Variants in CHKA observed in about 807,000 individuals in gnomAD.
CHKA encodes the protein CHETK-alpha.
In CHKA, 34 loss-of-function variants were observed where a neutral mutation model predicts 60.1. The ratio of observed to expected loss-of-function variants is 0.57; its 90% confidence interval spans 0.43 to 0.75. The LOEUF is 0.75. Among genes scored for constraint, CHKA ranks in the 30% least tolerant of loss-of-function variants. The pLI is 0.00. For missense variants in CHKA, 563 were observed against 561.3 expected (o/e 1.00, Z -0.03); for synonymous variants, 217 against 223.1 (o/e 0.97, Z 0.24).
intron 1 of CHKA, among the ~76,000 whole-genome samples, chr11:68,111,098 C>A (rs1273677501): frequency 6.6e-6 from 1 of 151,732 alleles, no homozygotes; most frequent in Non-Finnish European, 1.5e-5. Context: ...CAATACTCAA[C>A]CTCAAGAATC....
intron 2 of CHKA, among the ~76,000 whole-genome samples, chr11:68,093,891 C>T (rs558639775): frequency 1.6e-3 from 244 of 152,298 alleles, no homozygotes; most frequent in African/African-American, 5.4e-3. Context: ...TCAACAGCCA[C>T]ACTTGCCACA....
At chr11:68,087,263 T>C (rs1857210346) in intron 2 of CHKA, among the ~76,000 whole-genome samples, 1 of 152,166 alleles carries the variant, frequency 6.6e-6, no homozygotes, top group Non-Finnish European at 1.5e-5. Context: ...GCGGATCATT[T>C]GAGGTCAGGA....
chr11:68,068,028 T>C (rs1856497708), intron 7 of CHKA, among the ~76,000 whole-genome samples: 1 of 152,152 alleles, frequency 6.6e-6, no homozygotes, highest in Non-Finnish European at 1.5e-5. Flanking sequence ...GGGAGCTGCA[T>C]AGTGGGGGGC....
intron 11 of CHKA, among the ~76,000 whole-genome samples, chr11:68,054,248 CCA>C (rs1855916795): frequency 6.6e-6 from 1 of 152,196 alleles, no homozygotes; most frequent in African/African-American, 2.4e-5. Flanking sequence ...CCAGCCCACC[CCA>C]CACACCTTCA....
chr11:68,076,966 G>A (rs897515393), intron 3 of CHKA, among the ~76,000 whole-genome samples: 1 of 152,162 alleles, frequency 6.6e-6, no homozygotes, highest in East Asian at 1.9e-4. Flanking sequence ...GGCCGGGTGC[G>A]GTGGCTCACG....
At chr11:68,109,182 C>G (rs555988238) in intron 1 of CHKA, among the ~76,000 whole-genome samples, 1 of 150,848 alleles carries the variant, frequency 6.6e-6, no homozygotes, top group Non-Finnish European at 1.5e-5. Context: ...CTCCACCTCC[C>G]GGGTTCACAC....
intron 1 of CHKA, among the ~76,000 whole-genome samples, chr11:68,102,916 C>A (rs1389432063): frequency 6.6e-6 from 1 of 151,992 alleles, no homozygotes. Flanking sequence ...TCACTAGAGC[C>A]CAGGAAGTCA....
At chr11:68,061,089 G>C (rs1012181515) in intron 11 of CHKA, among the ~76,000 whole-genome samples, 1 of 140,700 alleles carries the variant, frequency 7.1e-6, no homozygotes, top group African/African-American at 2.7e-5. Context: ...TTCTATGTCA[G>C]TGACAGTTTT....
Position 68,082,337 on chromosome 11 carries a change from G to A in CHKA, c.463-880C>T, listed in dbSNP as rs751352255. 7.1e-4 allele frequency among the ~76,000 whole-genome samples: 108 copies of A among 152,106 alleles called. 2 individuals are homozygous for A. Among genetic ancestry groups the A allele is most frequent in the South Asian group, 2.1e-4 (1 of 4,822 alleles). The stretch of plus-strand genomic sequence containing the variant: ...AAGTAAAGTCAGAAACTTGTGTCAC[G>A]TCAAACTTTTATACTCAAATACTGC... On this transcript the variant is annotated intron_variant, in intron 2 of 11. Transcript: ENST00000265689.
At chr11:68,112,673 A>AT (rs1383414238) in intron 1 of CHKA, among the ~76,000 whole-genome samples, 1 of 152,218 alleles carries the variant, frequency 6.6e-6, no homozygotes, top group Non-Finnish European at 1.5e-5. Context: ...AGAGAATGAA[A>AT]AGTCACAAAC....
intron 1 of CHKA, among the ~76,000 whole-genome samples, chr11:68,105,671 T>C: frequency 6.6e-6 from 1 of 152,158 alleles, no homozygotes; most frequent in East Asian, 1.9e-4. Context: ...ATCCGCTGAA[T>C]GAATGCTTAG....
At chr11:68,056,495 ATTTC>A (rs895541418) in intron 11 of CHKA, among the ~76,000 whole-genome samples, 2 of 152,224 alleles carry the variant, frequency 1.3e-5, no homozygotes, top group African/African-American at 4.8e-5. Context: ...GTCCAATCAC[ATTTC>A]AACACGGTTG....
chr11:68,069,029 C>G lies in CHKA; in HGVS notation c.870-92G>C. The G allele has an allele frequency of 4.4e-6, 4 of 912,108 alleles. No individual in the cohort carries two copies. In the South Asian group the frequency reaches 5.6e-5, roughly 13 times the overall value. The allele number at this position is 912,108 out of a possible 1,614,324, so 56.5% of individuals were successfully genotyped here. A position where few individuals can be genotyped will look rare whatever the true frequency, so the allele number is the denominator to read the frequency against. On this transcript the variant is annotated intron_variant, in intron 6 of 11. Coordinates refer to ENST00000265689, the MANE Select transcript of CHKA (RefSeq NM_001277.3). ...CCACATGGCCAGCACCAAATTCGTG[C>G]TCCAAAGCAACACACAGTTTCAGAG... is the stretch of plus-strand genomic sequence containing the variant.
intron 11 of CHKA, among the ~76,000 whole-genome samples, chr11:68,060,606 C>T (rs1159045259): frequency 1.3e-5 from 2 of 152,230 alleles, no homozygotes; most frequent in African/African-American, 2.4e-5. Flanking sequence ...CCACTGCAAC[C>T]GGCCGAGATC....
intron 1 of CHKA, among the ~76,000 whole-genome samples, chr11:68,100,604 C>CATAAATAA (rs71461687): frequency 0.078 from 5,085 of 65,450 alleles, 97 homozygotes; most frequent in Non-Finnish European, 0.1. Flanking sequence ...TAAATAAATA[C>CATAAATAA]ATAAATAAAT....
intron 10 of CHKA, among the ~76,000 whole-genome samples, chr11:68,063,652 T>C (rs953060398): frequency 2.6e-5 from 4 of 152,170 alleles, no homozygotes; most frequent in Non-Finnish European, 5.9e-5. Context: ...CCCACCCAAA[T>C]CTCATCTTTA....
intron 9 of CHKA, among the ~76,000 whole-genome samples, chr11:68,065,387 T>G (rs1856407561): frequency 6.6e-6 from 1 of 152,152 alleles, no homozygotes; most frequent in African/African-American, 2.4e-5. Flanking sequence ...AAACCAAATT[T>G]TAAAAGGTTA....
chr11:68,086,434 A>C (rs905723023), intron 2 of CHKA, among the ~76,000 whole-genome samples: 3 of 152,236 alleles, frequency 2.0e-5, no homozygotes, highest in Non-Finnish European at 4.4e-5. Flanking sequence ...ACCTACTTTA[A>C]GTTACCTAAT....
chr11:68,105,288 G>A (rs1388773677), intron 1 of CHKA, among the ~76,000 whole-genome samples: 18 of 151,766 alleles, frequency 1.2e-4, no homozygotes, highest in Non-Finnish European at 2.1e-4. Flanking sequence ...AGGCTGAGGC[G>A]GGTGGATCAT....
Sources: gnomAD v4.1 joint callset for allele counts (sites outside exome capture counted in the v4.1 genomes callset) on GRCh38, gnomAD v4.1.1 for gene constraint, MANE v1.5 for transcripts, NCBI Gene and HGNC (gene_info 2026-07-23, HGNC 2026-07-21) for gene names.